FTO: variants seen among roughly 807,000 people sequenced by gnomAD.
The protein encoded by FTO is alpha-ketoglutarate-dependent dioxygenase FTO.
A neutral mutation model predicts 63.9 loss-of-function variants in FTO; 47 were observed. That is an observed-to-expected ratio of 0.74 (90% CI 0.58 to 0.94). The LOEUF (loss-of-function observed/expected upper bound fraction) is 0.94, where lower values mean the gene tolerates loss of function less well. Among genes scored for constraint, FTO ranks in the 40% least tolerant of loss-of-function variants. The pLI is 0.00. For missense variants in FTO, 562 were observed against 618.1 expected (o/e 0.91, Z 0.96); for synonymous variants, 207 against 224.4 (o/e 0.92, Z 0.69).
intron 7 of FTO, among the ~76,000 whole-genome samples, chr16:53,909,124 G>A (rs780441916): frequency 4.3e-4 from 65 of 152,138 alleles, no homozygotes; most frequent in Non-Finnish European, 6.0e-4. Context: ...TCCTCTTCCA[G>A]TAGAGTCTGT....
intron 8 of FTO, among the ~76,000 whole-genome samples, chr16:54,012,722 T>C (rs2144087040): frequency 6.6e-6 from 1 of 152,290 alleles, no homozygotes; most frequent in South Asian, 2.1e-4. Flanking sequence ...ATGCTAAATC[T>C]ATTCTGCCTG....
chr16:53,786,646 A>G (rs900960450), intron 1 of FTO, among the ~76,000 whole-genome samples: 5 of 152,174 alleles, frequency 3.3e-5, no homozygotes, highest in African/African-American at 1.2e-4. Context: ...CTGTTACTCT[A>G]AAGTTTTAAT....
At chr16:53,967,098 G>C (rs531159409) in intron 8 of FTO, among the ~76,000 whole-genome samples, 1 of 152,076 alleles carries the variant, frequency 6.6e-6, no homozygotes, top group Admixed American at 6.5e-5. Context: ...GCTGCGCAGT[G>C]GTGCCTAAGG....
At chr16:53,704,100 C>T, upstream of FTO, 1 of 1,323,174 alleles carries the variant, frequency 7.6e-7, no homozygotes, top group South Asian at 1.3e-5. Flanking sequence ...GGGAGCAGGA[C>T]GCTGAGAGAA....
Position 53,988,331 on chromosome 16 carries a change from G to A in FTO, c.1364+54222G>A, listed in dbSNP as rs376784454. ...AATGTACTTTGAAATTGATTGTTCA[G>A]TGCCAAGACAATAAGAAGCCAGGAG... On this transcript the variant is annotated intron_variant, in intron 8 of 8. Transcript: ENST00000471389. 9.2e-5 allele frequency among the ~76,000 whole-genome samples: 14 copies of A among 152,270 alleles called. No homozygotes were observed. In the East Asian group the frequency reaches 2.7e-3, roughly 29 times the overall value.
chr16:53,926,046 G>T (rs1317107306), intron 7 of FTO, among the ~76,000 whole-genome samples: 1 of 152,052 alleles, frequency 6.6e-6, no homozygotes, highest in African/African-American at 2.4e-5. Flanking sequence ...AATTCTTAGG[G>T]GTCCTTAATA....
At chr16:53,891,130 A>G (rs1035643964) in intron 7 of FTO, among the ~76,000 whole-genome samples, 25 of 151,948 alleles carry the variant, frequency 1.6e-4, no homozygotes, top group Admixed American at 1.5e-3. Context: ...AGCTGGGATA[A>G]CAGGGGCCCG....
At chr16:53,909,532 CTTTTTTTTTTTTTTTTTTTT>C (rs58121446) in intron 7 of FTO, among the ~76,000 whole-genome samples, 1 of 71,192 alleles carries the variant, frequency 1.4e-5, no homozygotes, top group Admixed American at 1.5e-4. Flanking sequence ...AGAGCCCCGC[CTTTTTTTTTTTTTTTTTTTT>C]TTTTTTTTTT....
Position 54,097,335 on chromosome 16 carries a change from G to T in FTO, c.1365-14427G>T, listed in dbSNP as rs913451192. Among the ~76,000 whole-genome samples the T allele has an allele frequency of 3.4e-3, 467 of 136,928 alleles. 1 individual carries two copies. Among genetic ancestry groups the T allele is most frequent in the African/African-American group, 0.013 (400 of 30,772 alleles). The allele number at this position is 136,928 out of a possible 152,430, so 89.8% of individuals were successfully genotyped here. ...CTTGCTCTTTTTTTGTTTTTTTTTT[G>T]TTGTTGTTGTTGTGTTGTTTTTGGT... On this transcript the variant is annotated intron_variant, in intron 8 of 8. Coordinates refer to ENST00000471389, the MANE Select transcript of FTO (RefSeq NM_001080432.3).
chr16:53,883,653 A>AAAAAAAAAAAAAAATT (rs1598904166), intron 6 of FTO, among the ~76,000 whole-genome samples: 1 of 150,564 alleles, frequency 6.6e-6, no homozygotes, highest in African/African-American at 2.4e-5. Flanking sequence ...AAAAAAACAA[A>AAAAAAAAAAAAAAATT]TTTGTCTGCT....
chr16:53,715,621 C>T (rs1354202181), intron 1 of FTO, among the ~76,000 whole-genome samples: 1 of 152,170 alleles, frequency 6.6e-6, no homozygotes, highest in African/African-American at 2.4e-5. Flanking sequence ...CATATCCGCT[C>T]CGCCTCTTAT....
intron 1 of FTO, among the ~76,000 whole-genome samples, chr16:53,809,815 G>A (rs1018126936): frequency 2.0e-5 from 3 of 151,904 alleles, no homozygotes; most frequent in African/African-American, 4.8e-5. Flanking sequence ...TGGTGGCACC[G>A]CTGTAGTCCC....
At chr16:53,729,297 G>T (rs1210284524) in intron 1 of FTO, among the ~76,000 whole-genome samples, 1 of 151,770 alleles carries the variant, frequency 6.6e-6, no homozygotes, top group Non-Finnish European at 1.5e-5. Flanking sequence ...GGGAGGCCGA[G>T]GTGGGCAGAT....
chr16:54,090,662 T>G (rs2086362639), intron 8 of FTO, among the ~76,000 whole-genome samples: 1 of 152,212 alleles, frequency 6.6e-6, no homozygotes, highest in South Asian at 2.1e-4. Flanking sequence ...CTATTTCAGT[T>G]ATGCATTGCA....
chr16:53,857,766 C>T (rs1351284173), intron 4 of FTO, among the ~76,000 whole-genome samples: 1 of 152,228 alleles, frequency 6.6e-6, no homozygotes, highest in Non-Finnish European at 1.5e-5. Flanking sequence ...TGTGTCTTTT[C>T]TTATTTCTGT....
At chr16:53,841,180 C>A (rs1381342256) in intron 3 of FTO, among the ~76,000 whole-genome samples, 1 of 151,112 alleles carries the variant, frequency 6.6e-6, no homozygotes, top group Non-Finnish European at 1.5e-5. Flanking sequence ...CTCTTTCCTG[C>A]TGAGCTAGGA....
At chr16:53,907,273 A>G (rs1193617017) in intron 7 of FTO, among the ~76,000 whole-genome samples, 2 of 152,192 alleles carry the variant, frequency 1.3e-5, no homozygotes, top group African/African-American at 2.4e-5. Context: ...CATGCTCAGA[A>G]CGCATTAGCC....
At chr16:53,969,828 C>T (rs1012744849) in intron 8 of FTO, among the ~76,000 whole-genome samples, 12 of 152,288 alleles carry the variant, frequency 7.9e-5, no homozygotes, top group Middle Eastern at 6.8e-3. Flanking sequence ...TCTCAGGAAA[C>T]GCAGAAAATA....
At chr16:53,994,061 G>T (rs1356018915) in intron 8 of FTO, 4 of 152,038 alleles carry the variant, frequency 2.6e-5, no homozygotes, top group Admixed American at 2.6e-4. Flanking sequence ...TTTGCAAATG[G>T]GATTGGCCTC....
Sources: gnomAD v4.1 joint callset for allele counts (sites outside exome capture counted in the v4.1 genomes callset) on GRCh38, gnomAD v4.1.1 for gene constraint, MANE v1.5 for transcripts, NCBI Gene and HGNC (gene_info 2026-07-23, HGNC 2026-07-21) for gene names.